RANBP2: variants seen among roughly 807,000 people sequenced by gnomAD.
RANBP2 encodes the protein E3 SUMO-protein ligase RanBP2.
A neutral mutation model predicts 303.6 loss-of-function variants in RANBP2; 57 were observed. That is an observed-to-expected ratio of 0.19 (90% CI 0.15 to 0.23). The LOEUF is 0.23. RANBP2 is among the 10% of genes least tolerant of loss of function. The pLI is 1.00. For synonymous variants in RANBP2, 1,167 were observed against 1,301.5 expected (o/e 0.90, Z 2.23); for missense variants, 3,138 against 3,780.8 (o/e 0.83, Z 4.46).
chr2:109,028,451 G>A, the RANBP2 span, among the ~76,000 whole-genome samples: 5 of 152,110 alleles, frequency 3.3e-5, no homozygotes, highest in African/African-American at 4.8e-5. Flanking sequence ...TGGCTTCCCC[G>A]TTGCTGGGAG....
chr2:108,955,388 A>G, the RANBP2 span, among the ~76,000 whole-genome samples: 1 of 152,172 alleles, frequency 6.6e-6, no homozygotes, highest in Non-Finnish European at 1.5e-5. Flanking sequence ...TAAAATCATA[A>G]CCCATTAATT....
At chr2:109,443,018 T>A in the RANBP2 span, among the ~76,000 whole-genome samples, 3 of 152,256 alleles carry the variant, frequency 2.0e-5, no homozygotes, top group African/African-American at 2.4e-5. Context: ...AGTGAAGGGA[T>A]GGAACAAGTT....
the RANBP2 span, among the ~76,000 whole-genome samples, chr2:108,957,509 C>A: frequency 6.6e-6 from 1 of 152,250 alleles, no homozygotes; most frequent in Non-Finnish European, 1.5e-5. Context: ...CTGGATGGTT[C>A]TATCAGGTTC....
At chr2:108,860,698 G>A in the RANBP2 span, among the ~76,000 whole-genome samples, 7 of 151,866 alleles carry the variant, frequency 4.6e-5, no homozygotes, top group East Asian at 1.9e-4. Context: ...ACTAGGTTCC[G>A]TTTGCCAGTA....
At chr2:109,669,375 A>C in the RANBP2 span, among the ~76,000 whole-genome samples, 1 of 152,112 alleles carries the variant, frequency 6.6e-6, no homozygotes, top group Non-Finnish European at 1.5e-5. Flanking sequence ...AGAAACAACA[A>C]AGAAAGGAGA....
At chr2:109,652,749 G>A in the RANBP2 span, among the ~76,000 whole-genome samples, 2 of 152,204 alleles carry the variant, frequency 1.3e-5, no homozygotes, top group African/African-American at 2.4e-5. Context: ...AAGCCAGAGA[G>A]GTTTCTCAAA....
At chr2:109,083,203 T>C in the RANBP2 span, among the ~76,000 whole-genome samples, 1 of 152,122 alleles carries the variant, frequency 6.6e-6, no homozygotes, top group African/African-American at 2.4e-5. Flanking sequence ...TACATTCACA[T>C]TGTTGTACAA....
the RANBP2 span, among the ~76,000 whole-genome samples, chr2:109,367,745 A>C: frequency 1.3e-5 from 2 of 152,226 alleles, no homozygotes; most frequent in Non-Finnish European, 2.9e-5. Context: ...CTAGTTTAAC[A>C]AACACTGTAA....
the RANBP2 span, chr2:109,491,087 G>T: frequency 8.3e-6 from 3 of 361,302 alleles, no homozygotes; most frequent in Non-Finnish European, 1.2e-5. Context: ...TCCCGAGCTT[G>T]GGTGGTGAGT....
At chr2:109,621,116 A>G in the RANBP2 span, among the ~76,000 whole-genome samples, 2 of 152,198 alleles carry the variant, frequency 1.3e-5, no homozygotes, top group Non-Finnish European at 2.9e-5. Context: ...GTGCTTTGCC[A>G]GTGGTATAAA....
the RANBP2 span, among the ~76,000 whole-genome samples, chr2:108,879,283 A>G: frequency 1.3e-5 from 2 of 152,238 alleles, no homozygotes; most frequent in African/African-American, 2.4e-5. Flanking sequence ...ACAGTCTTTT[A>G]TAAAATTATC....
chr2:109,520,841 A>G, the RANBP2 span, among the ~76,000 whole-genome samples: 2 of 124,956 alleles, frequency 1.6e-5, no homozygotes, highest in African/African-American at 2.6e-5. Flanking sequence ...CTGAGGCAGG[A>G]GAATCGCTTG....
the RANBP2 span, among the ~76,000 whole-genome samples, chr2:109,179,152 A>G: frequency 5.9e-5 from 9 of 152,094 alleles, no homozygotes; most frequent in South Asian, 2.1e-4. Context: ...AGGATGTACA[A>G]TGTCCCTGAC....
chr2:108,922,840 C>G, the RANBP2 span, among the ~76,000 whole-genome samples: 1 of 152,134 alleles, frequency 6.6e-6, no homozygotes, highest in Non-Finnish European at 1.5e-5. Context: ...AAACAGATGC[C>G]CATGAAAGCC....
the RANBP2 span, among the ~76,000 whole-genome samples, chr2:109,581,314 G>A: frequency 6.6e-6 from 1 of 152,022 alleles, no homozygotes; most frequent in Non-Finnish European, 1.5e-5. Flanking sequence ...GCGGGCACCT[G>A]TAATCCCAGC....
rs184591007 is a variant in RANBP2, at chr2:108,727,390, T to C, written c.73-1742T>C. The stretch of plus-strand genomic sequence containing the variant: ...CCCCAAACTGCAAAAGTTACAGCCA[T>C]AGTGTGTGATAAGTGCTTAGTTGAG... On this transcript the variant is annotated intron_variant, in intron 1 of 28. Transcript: ENST00000283195. 8.4e-3 allele frequency among the ~76,000 whole-genome samples: 1,275 copies of C among 152,234 alleles called. 7 individuals carry two copies. Among genetic ancestry groups the C allele is most frequent in the African/African-American group, 0.013 (522 of 41,526 alleles).
the RANBP2 span, among the ~76,000 whole-genome samples, chr2:109,249,532 T>TTTCTTTTTCTTTCTTTCCTTCCTTCC: frequency 2.1e-5 from 2 of 96,450 alleles, no homozygotes; most frequent in Non-Finnish European, 4.1e-5. Context: ...TCTTTCTTTC[T>TTTCTTTTTCTTTCTTTCCTTCCTTCC]TTCCTTCCTT....
chr2:109,398,962 G>A, the RANBP2 span: 1 of 1,598,392 alleles, frequency 6.3e-7, no homozygotes, highest in South Asian at 1.1e-5. Flanking sequence ...CCGCGGGCCA[G>A]GGCAGGCATC....
the RANBP2 span, among the ~76,000 whole-genome samples, chr2:108,799,250 G>A: frequency 6.6e-6 from 1 of 152,018 alleles, no homozygotes; most frequent in Non-Finnish European, 1.5e-5. Context: ...AATATTTTTG[G>A]CAAGGATATT....
Sources: gnomAD v4.1 joint callset for allele counts (sites outside exome capture counted in the v4.1 genomes callset) on GRCh38, gnomAD v4.1.1 for gene constraint, MANE v1.5 for transcripts, NCBI Gene and HGNC (gene_info 2026-07-23, HGNC 2026-07-21) for gene names.